CHODL: variants seen among roughly 807,000 people sequenced by gnomAD.
CHODL encodes transmembrane protein MT75.
Under a neutral mutation model 34.5 loss-of-function variants are expected in CHODL, and 29 were observed. The ratio of observed to expected loss-of-function variants is 0.84; its 90% CI spans 0.63 to 1.15. The LOEUF (loss-of-function observed/expected upper bound fraction) is 1.15, where lower values mean the gene tolerates loss of function less well. Among genes scored for constraint, CHODL ranks in the 50% most tolerant of loss-of-function variants. The pLI is 0.00. For missense variants in CHODL, 332 were observed against 332.5 expected (o/e 1.00, Z 0.01); for synonymous variants, 125 against 116.1 (o/e 1.08, Z -0.49).
intron 1 of CHODL, among the ~76,000 whole-genome samples, chr21:18,016,181 C>T (rs2064071853): frequency 6.6e-6 from 1 of 152,192 alleles, no homozygotes; most frequent in South Asian, 2.1e-4. Flanking sequence ...GGCCTGGAGG[C>T]CTAGGAGGGA....
At chr21:18,238,308 A>G (rs2074048312) in intron 2 of CHODL, among the ~76,000 whole-genome samples, 1 of 152,078 alleles carries the variant, frequency 6.6e-6, no homozygotes, top group African/African-American at 2.4e-5. Context: ...TTGGACTTAC[A>G]GTTTCACAAG....
At chr21:17,991,300 C>A (rs2146387990) in intron 1 of CHODL, among the ~76,000 whole-genome samples, 1 of 152,040 alleles carries the variant, frequency 6.6e-6, no homozygotes, top group Non-Finnish European at 1.5e-5. Context: ...TACTGATTTC[C>A]TTTTCTTTTG....
intron 2 of CHODL, among the ~76,000 whole-genome samples, chr21:18,145,422 T>C (rs2072867526): frequency 1.7e-5 from 2 of 115,250 alleles, no homozygotes; most frequent in Non-Finnish European, 3.2e-5. Context: ...AGGGGACGAG[T>C]GAGACTACCT....
chr21:18,175,656 C>G (rs1363086155), intron 2 of CHODL, among the ~76,000 whole-genome samples: 1 of 150,572 alleles, frequency 6.6e-6, no homozygotes, highest in Non-Finnish European at 1.5e-5. Context: ...ATAAAGGAGA[C>G]AGATGAAAAA....
intron 2 of CHODL, among the ~76,000 whole-genome samples, chr21:18,222,341 G>T (rs1454692031): frequency 6.6e-6 from 1 of 152,096 alleles, no homozygotes; most frequent in African/African-American, 2.4e-5. Context: ...TGAGGATTTG[G>T]AAATGCAAGA....
intron 2 of CHODL, among the ~76,000 whole-genome samples, chr21:18,172,285 G>T (rs1483612004): frequency 6.6e-6 from 1 of 152,134 alleles, no homozygotes; most frequent in African/African-American, 2.4e-5. Context: ...CACAGTGAGT[G>T]AGCTCTGAAC....
At chr21:18,140,062 G>A (rs2072782869) in intron 2 of CHODL, among the ~76,000 whole-genome samples, 1 of 152,100 alleles carries the variant, frequency 6.6e-6, no homozygotes, top group African/African-American at 2.4e-5. Flanking sequence ...CAAAATGCAA[G>A]TAAATGCATC....
intron 1 of CHODL, 60 bp downstream of exon 1, chr21:18,245,362 G>A: frequency 1.8e-5 from 25 of 1,388,718 alleles, no homozygotes; most frequent in Non-Finnish European, 2.2e-5. Flanking sequence ...GGGGCGCGGC[G>A]GGCAGCCTGT....
rs138156606 is a variant in CHODL at position 18,197,190 on chromosome 21, C to G, written c.-44-59319C>G. On this transcript the variant is annotated intron_variant, in intron 2 of 6. Transcript: ENST00000400127. Reference sequence around the variant, plus strand: ...TGCTTTTATAAATATAACTAATATACTGAAGTAAATATAAATTTAAGTATA... The same window carrying G: ...TGCTTTTATAAATATAACTAATATAGTGAAGTAAATATAAATTTAAGTATA... Among the ~76,000 whole-genome samples, 751 of 152,062 alleles carry G rather than the reference C, an allele frequency of 4.9e-3. 3 individuals carry two copies. Among genetic ancestry groups the G allele is most frequent in the Non-Finnish European group, 7.7e-3 (526 of 67,994 alleles).
At chr21:17,947,720 C>T (rs2146338306) in intron 1 of CHODL, among the ~76,000 whole-genome samples, 1 of 152,074 alleles carries the variant, frequency 6.6e-6, no homozygotes, top group Middle Eastern at 3.4e-3. Flanking sequence ...TGGGAATGTA[C>T]CAGCTCTTTG....
At chr21:18,234,485 A>T (rs1281342999) in intron 2 of CHODL, among the ~76,000 whole-genome samples, 1 of 152,072 alleles carries the variant, frequency 6.6e-6, no homozygotes, top group Non-Finnish European at 1.5e-5. Context: ...TTCATTATGC[A>T]TATTTTGAGT....
At chr21:18,018,975 TGTCCA>T (rs1256089729) in intron 1 of CHODL, among the ~76,000 whole-genome samples, 1 of 152,218 alleles carries the variant, frequency 6.6e-6, no homozygotes, top group African/African-American at 2.4e-5. Flanking sequence ...ATTATCTGCC[TGTCCA>T]GTCCTAATTA....
intron 2 of CHODL, among the ~76,000 whole-genome samples, chr21:18,056,853 G>GT (rs1442133323): frequency 6.6e-6 from 1 of 151,926 alleles, no homozygotes; most frequent in Non-Finnish European, 1.5e-5. Flanking sequence ...CCTCCCCATG[G>GT]TTTTTTCCTT....
intron 2 of CHODL, among the ~76,000 whole-genome samples, chr21:18,181,463 C>T (rs930797189): frequency 6.6e-6 from 1 of 152,202 alleles, no homozygotes; most frequent in Non-Finnish European, 1.5e-5. Flanking sequence ...AGTGCACTGG[C>T]GGGATCTCGG....
At chr21:18,052,420 A>C (rs554104462) in intron 2 of CHODL, among the ~76,000 whole-genome samples, 4 of 152,060 alleles carry the variant, frequency 2.6e-5, no homozygotes, top group Admixed American at 6.6e-5. Flanking sequence ...CTAGGCTAGT[A>C]CCTTTCAACT....
intron 2 of CHODL, among the ~76,000 whole-genome samples, chr21:18,223,808 C>T (rs1214617269): frequency 6.6e-6 from 1 of 152,024 alleles, no homozygotes; most frequent in Non-Finnish European, 1.5e-5. Flanking sequence ...GTTACTCGAA[C>T]CAACGTTGAC....
At chr21:17,990,429 C>A (rs571659275) in intron 1 of CHODL, among the ~76,000 whole-genome samples, 1 of 152,004 alleles carries the variant, frequency 6.6e-6, no homozygotes, top group Admixed American at 6.6e-5. Context: ...TTTTTTATAT[C>A]GTTCTTTCCT....
rs1258104320 is a variant in CHODL, at chr21:18,108,836, GTTGTGTGTGTGT to G, written c.-45+80866_-45+80877del. 3.6e-4 allele frequency among the ~76,000 whole-genome samples: 39 copies of G among 109,386 alleles called. 1 individual carries two copies. Among genetic ancestry groups the G allele is most frequent in the Admixed American group, 2.9e-3 (32 of 11,188 alleles). The allele number at this position is 109,386 out of a possible 152,430, so 71.8% of individuals were successfully genotyped here. On this transcript the variant is annotated intron_variant, in intron 2 of 6. Coordinates refer to the CHODL transcript ENST00000400127. ...TTTCTCAGATTCTCTTCTTTGCAAT[GTTGTGTGTGTGT>G]GTGTGTGTGTGTGTGTGTGTGTGTT...
In CHODL at chr21:18,133,999, T is replaced by A. The variant is rs79577446; in HGVS notation, c.-45+106028T>A. Among the ~76,000 whole-genome samples the A allele has an allele frequency of 5.9e-3, 906 of 152,312 alleles. 8 individuals carry two copies. Among genetic ancestry groups the A allele is most frequent in the African/African-American group, 0.021 (858 of 41,568 alleles). On this transcript the variant is annotated intron_variant, in intron 2 of 6. Transcript: ENST00000400127. Reference sequence around the variant, plus strand: ...ATCATCTGTATCAATTACCTATCTATCTCTCTATCATCTATCTATCTAGAG... The same window carrying A: ...ATCATCTGTATCAATTACCTATCTAACTCTCTATCATCTATCTATCTAGAG...
Sources: gnomAD v4.1 joint callset for allele counts (sites outside exome capture counted in the v4.1 genomes callset) on GRCh38, gnomAD v4.1.1 for gene constraint, MANE v1.5 for transcripts, NCBI Gene and HGNC (gene_info 2026-07-23, HGNC 2026-07-21) for gene names.